The following WARS2 variants were observed in gnomAD, a reference collection of about 807,000 sequenced individuals.
The protein encoded by WARS2 is tryptophan--tRNA ligase, mitochondrial.
In WARS2, 28 loss-of-function variants were observed where a neutral mutation model predicts 36.5. That is an observed-to-expected ratio of 0.77 (90% CI 0.57 to 1.05). WARS2 has a LOEUF of 1.05. WARS2 is among the 50% of genes least tolerant of loss of function. The pLI is 0.00. For missense variants in WARS2, 435 were observed against 456.8 expected (o/e 0.95, Z 0.44); for synonymous variants, 174 against 178.4 (o/e 0.98, Z 0.20).
At position 119,140,627 on chromosome 1, in the gene WARS2, C is replaced by G; in HGVS notation, c.18G>C (p.Met6Ile). MALHS[M>I]RKARERWSFI... is the part of the protein sequence containing the mutation. ...AGCTCCAGCGCTCACGCGCTTTCCG[C>G]ATTGAGTGCAGCGCCATCTTGAGAA... Residue 6 changes from methionine to isoleucine, a missense_variant, in exon 1 of 6, where the codon ATG (methionine) becomes ATC (isoleucine). Coordinates refer to ENST00000235521, the MANE Select transcript of WARS2 (RefSeq NM_015836.4). 1 of 1,613,782 alleles carries G rather than the reference C, an allele frequency of 6.2e-7. No individual in the cohort carries two copies.
At chr1:119,040,393 A>C (rs932309307) in intron 4 of WARS2, among the ~76,000 whole-genome samples, 1 of 152,204 alleles carries the variant, frequency 6.6e-6, no homozygotes, top group Non-Finnish European at 1.5e-5. Context: ...CATAGCCCTA[A>C]ACTCAGAGGA....
intron 1 of WARS2, among the ~76,000 whole-genome samples, chr1:119,123,134 T>G (rs1655434864): frequency 1.3e-5 from 2 of 152,166 alleles, no homozygotes; most frequent in Non-Finnish European, 2.9e-5. Context: ...AGGACAAGAC[T>G]TAATACACTT....
chr1:119,125,399 A>G (rs1027188610), intron 1 of WARS2, among the ~76,000 whole-genome samples: 5 of 152,196 alleles, frequency 3.3e-5, no homozygotes, highest in Admixed American at 3.3e-4. Context: ...ATTATCTAAC[A>G]TACTATATAT....
chr1:119,039,089 T>C (rs1648128293), intron 4 of WARS2, among the ~76,000 whole-genome samples: 1 of 152,214 alleles, frequency 6.6e-6, no homozygotes. Flanking sequence ...TTTAGTGGAA[T>C]CTCTCTGAAA....
intron 1 of WARS2, among the ~76,000 whole-genome samples, chr1:119,132,819 T>C (rs932661183): frequency 6.6e-6 from 1 of 152,190 alleles, no homozygotes; most frequent in African/African-American, 2.4e-5. Flanking sequence ...ACTAATATAC[T>C]CACCTTAATA....
chr1:119,046,647 C>A (rs755396005), intron 2 of WARS2, among the ~76,000 whole-genome samples: 1 of 151,980 alleles, frequency 6.6e-6, no homozygotes, highest in Non-Finnish European at 1.5e-5. Flanking sequence ...TGAGCCACTG[C>A]GCCCAGCCCC....
intron 2 of WARS2, among the ~76,000 whole-genome samples, chr1:119,048,033 G>A (rs1272594234): frequency 1.3e-5 from 2 of 152,220 alleles, no homozygotes; most frequent in East Asian, 1.9e-4. Context: ...TGTTGAATGC[G>A]TGGGCAATAG....
intron 2 of WARS2, among the ~76,000 whole-genome samples, chr1:119,051,349 C>G (rs1217655737): frequency 6.6e-6 from 1 of 152,128 alleles, no homozygotes; most frequent in Non-Finnish European, 1.5e-5. Flanking sequence ...CATGTTCCTG[C>G]AAAGAAAATG....
rs1653243943 is a variant in WARS2, at chr1:119,094,006, A to C, written c.91-17399T>G. ...CAACTGTATGTAGGTAGTAGTGCTG[A>C]GAGGCAGGAAGCATTATTACATAGA... On this transcript the variant is annotated intron_variant, in intron 1 of 5. Transcript: ENST00000235521. Among the ~76,000 whole-genome samples, 3 of 152,328 alleles carry C rather than the reference A, an allele frequency of 2.0e-5. No individual in the cohort carries two copies. In the South Asian group the frequency reaches 6.2e-4, roughly 32 times the overall value.
chr1:119,072,606 G>T (rs1651411797), intron 2 of WARS2, among the ~76,000 whole-genome samples: 1 of 152,038 alleles, frequency 6.6e-6, no homozygotes, highest in African/African-American at 2.4e-5. Flanking sequence ...AAAAAAAAGA[G>T]ACTTAAGATC....
chr1:119,102,523 T>C (rs587747248), intron 1 of WARS2, among the ~76,000 whole-genome samples: 1 of 152,364 alleles, frequency 6.6e-6, no homozygotes, highest in African/African-American at 2.4e-5. Context: ...TTCTTCAGAA[T>C]ATTTCTGCAT....
At chr1:119,079,845 T>C (rs1429160909) in intron 1 of WARS2, among the ~76,000 whole-genome samples, 1 of 152,168 alleles carries the variant, frequency 6.6e-6, no homozygotes, top group East Asian at 1.9e-4. Context: ...ATCTTTCAGG[T>C]AATTGAGAAC....
chr1:119,123,314 A>T (rs1655444428), intron 1 of WARS2, among the ~76,000 whole-genome samples: 1 of 152,212 alleles, frequency 6.6e-6, no homozygotes, highest in Non-Finnish European at 1.5e-5. Context: ...TGCCCAAGGA[A>T]CACGTGTGTC....
intron 4 of WARS2, among the ~76,000 whole-genome samples, chr1:119,038,677 CTTCT>C (rs1250327162): frequency 6.6e-6 from 1 of 151,738 alleles, no homozygotes; most frequent in African/African-American, 2.4e-5. Context: ...TGTTTTCAGT[CTTCT>C]TTTTGTTTTT....
chr1:119,085,539 C>T lies in WARS2; in HGVS notation c.91-8932G>A, dbSNP rs587726597. 5.2e-5 allele frequency: 83 copies of T among 1,610,420 alleles called. No homozygotes were observed. In the South Asian group the frequency reaches 6.9e-4, roughly 13 times the overall value. On this transcript the variant is annotated intron_variant, in intron 1 of 5. Coordinates refer to ENST00000235521, the MANE Select transcript of WARS2 (RefSeq NM_015836.4). Reference sequence around the variant, plus strand: ...CTCAGACAAACTTGGTGAGGGGGTACGAGCCCCACAGCCCTTCTCCTGGAG... The same window carrying T: ...CTCAGACAAACTTGGTGAGGGGGTATGAGCCCCACAGCCCTTCTCCTGGAG...
At chr1:119,052,088 G>A (rs529083323) in intron 2 of WARS2, among the ~76,000 whole-genome samples, 1 of 151,550 alleles carries the variant, frequency 6.6e-6, no homozygotes, top group East Asian at 1.9e-4. Flanking sequence ...ATTTGAGATG[G>A]GCTAATTTTT....
intron 1 of WARS2, among the ~76,000 whole-genome samples, chr1:119,137,300 C>T (rs1165015139): frequency 6.6e-6 from 1 of 152,076 alleles, no homozygotes; most frequent in East Asian, 1.9e-4. Context: ...AAATTTAAAT[C>T]TTGTGAGAAT....
At chr1:119,109,241 G>A (rs1000175880) in intron 1 of WARS2, among the ~76,000 whole-genome samples, 3 of 151,832 alleles carry the variant, frequency 2.0e-5, no homozygotes, top group African/African-American at 7.2e-5. Flanking sequence ...TTGATTTATG[G>A]AGTGTTGAGT....
Position 119,091,088 on chromosome 1 carries a change from A to G in WARS2, c.91-14481T>C, listed in dbSNP as rs190837332. 7.6e-4 allele frequency among the ~76,000 whole-genome samples: 116 copies of G among 152,326 alleles called. 1 individual carries two copies. The highest frequency in any genetic ancestry group is 2.7e-3 in the African/African-American group (113 of 41,582). On this transcript the variant is annotated intron_variant, in intron 1 of 5. Transcript: ENST00000235521. Reference sequence around the variant, plus strand: ...AAGTAATTTGTAAAATGAAACTAAAATAGAAACAATGTAGTGTAATCTAAA... The same window carrying G: ...AAGTAATTTGTAAAATGAAACTAAAGTAGAAACAATGTAGTGTAATCTAAA...
Sources: gnomAD v4.1 joint callset for allele counts (sites outside exome capture counted in the v4.1 genomes callset) on GRCh38, gnomAD v4.1.1 for gene constraint, MANE v1.5 for transcripts, NCBI Gene and HGNC (gene_info 2026-07-23, HGNC 2026-07-21) for gene names.